EIPR1: variants seen among roughly 807,000 people sequenced by gnomAD.
EIPR1 encodes EARP complex and GARP complex interacting protein 1.
EIPR1 carries 25 observed loss-of-function variants against 48.1 expected under a neutral mutation model. The observed-to-expected ratio is 0.52, with a 90% CI of 0.38 to 0.73. The LOEUF is 0.73. EIPR1 is among the 30% of genes least tolerant of loss of function. The pLI, the probability that EIPR1 is intolerant of heterozygous loss-of-function variation, is 0.00. For missense variants in EIPR1, 415 were observed against 506.2 expected (o/e 0.82, Z 1.73); for synonymous variants, 204 against 201.9 (o/e 1.01, Z -0.09).
chr2:3,200,180 C>A (rs1309186909), intron 5 of EIPR1, among the ~76,000 whole-genome samples: 1 of 152,014 alleles, frequency 6.6e-6, no homozygotes, highest in East Asian at 1.9e-4. Context: ...GAGGAGTGGA[C>A]CTGTCCGCTC....
At chr2:3,196,318 GT>G (rs1378125285) in intron 6 of EIPR1, among the ~76,000 whole-genome samples, 1 of 152,314 alleles carries the variant, frequency 6.6e-6, no homozygotes, top group East Asian at 1.9e-4. Context: ...GTGGGCTTCC[GT>G]TGCCACAGCA....
chr2:3,375,397 A>G (rs76342504), intron 1 of EIPR1, among the ~76,000 whole-genome samples: 34 of 147,312 alleles, frequency 2.3e-4, no homozygotes, highest in Admixed American at 1.4e-3. Context: ...TTAAAAAAAA[A>G]AGAGAGAAAA....
chr2:3,307,895 A>G (rs768440632), intron 3 of EIPR1, among the ~76,000 whole-genome samples: 7 of 152,210 alleles, frequency 4.6e-5, no homozygotes, highest in Non-Finnish European at 7.3e-5. Flanking sequence ...ATCCCAAATG[A>G]TCCTATTTGA....
intron 2 of EIPR1, among the ~76,000 whole-genome samples, chr2:3,351,279 GCGTGAGCGA>G (rs1670571554): frequency 1.3e-5 from 2 of 152,162 alleles, no homozygotes; most frequent in South Asian, 4.1e-4. Flanking sequence ...GGGATTACAT[GCGTGAGCGA>G]CCACACCTGG....
At chr2:3,215,829 C>T (rs548025939) in intron 4 of EIPR1, among the ~76,000 whole-genome samples, 1 of 152,372 alleles carries the variant, frequency 6.6e-6, no homozygotes, top group Admixed American at 6.5e-5. Flanking sequence ...AAACCACAAT[C>T]TCTTTCTCAT....
At chr2:3,373,041 C>T (rs370209273) in intron 1 of EIPR1, among the ~76,000 whole-genome samples, 149 of 152,248 alleles carry the variant, frequency 9.8e-4, no homozygotes, top group South Asian at 3.9e-3. Context: ...CATGATCAAG[C>T]GGGCTTCATC....
At chr2:3,234,214 T>G (rs1281401471) in intron 4 of EIPR1, among the ~76,000 whole-genome samples, 2 of 152,130 alleles carry the variant, frequency 1.3e-5, no homozygotes, top group Admixed American at 6.5e-5. Flanking sequence ...TATTTTGCTG[T>G]TTTTTTTACC....
At position 3,306,292 on chromosome 2, in the gene EIPR1, C is replaced by G. The variant is rs935513769; in HGVS notation, c.259+31725G>C. On this transcript the variant is annotated intron_variant, in intron 3 of 8. Coordinates refer to ENST00000382125, the MANE Select transcript of EIPR1 (RefSeq NM_003310.5). ...TGGTTGGATTTGTTCTCTTTTCCCCCCTTCTGTTTCCCAGGTTAGTGTTTT... is the reference window on the plus strand; with the variant it reads ...TGGTTGGATTTGTTCTCTTTTCCCCGCTTCTGTTTCCCAGGTTAGTGTTTT... 4.6e-5 allele frequency among the ~76,000 whole-genome samples: 7 copies of G among 152,204 alleles called. No individual in the cohort carries two copies. The South Asian group carries it at 1.2e-3, about 27-fold the overall frequency.
chr2:3,346,926 T>G (rs1210729226), intron 2 of EIPR1, among the ~76,000 whole-genome samples: 3 of 152,196 alleles, frequency 2.0e-5, no homozygotes, highest in Admixed American at 6.5e-5. Context: ...TAATCCCCAG[T>G]GCTGGAGGCA....
chr2:3,336,198 A>G (rs1670036407), intron 3 of EIPR1, among the ~76,000 whole-genome samples: 1 of 152,188 alleles, frequency 6.6e-6, no homozygotes, highest in Non-Finnish European at 1.5e-5. Flanking sequence ...CAGAGAAGAG[A>G]TCGTCTCTAA....
At chr2:3,247,044 G>C (rs191657939) in intron 4 of EIPR1, among the ~76,000 whole-genome samples, 198 of 8,442 alleles carry the variant, frequency 0.023, no homozygotes, top group Non-Finnish European at 0.042. Context: ...AGGGAGAGAG[G>C]GAGGGAGAGA....
chr2:3,319,863 CGGGCAACACCACCCCTGT>C lies in EIPR1; in HGVS notation c.259+18136_259+18153del, dbSNP rs1245008378. ...GCACCTGTGGGCAACACCACCCCTGCGGGCAACACCACCCCTGTGGACAACACCGCACCTGTGGACAAC... is the reference window on the plus strand; with the variant it reads ...GCACCTGTGGGCAACACCACCCCTGCGGACAACACCGCACCTGTGGACAAC... On this transcript the variant is annotated intron_variant, in intron 3 of 8. Coordinates refer to ENST00000382125, the MANE Select transcript of EIPR1 (RefSeq NM_003310.5). The C allele has an allele frequency of 1.0e-3, 118 of 116,118 alleles. 13 individuals are homozygous for C. The highest frequency in any genetic ancestry group is 1.7e-3 in the South Asian group (9 of 5,308). The allele number at this position is 116,118 out of a possible 1,614,324, so 7.2% of individuals were successfully genotyped here. A position where few individuals can be genotyped will look rare whatever the true frequency, so the allele number is the denominator to read the frequency against.
At chr2:3,358,363 A>G (rs1270176207) in intron 1 of EIPR1, among the ~76,000 whole-genome samples, 1 of 152,190 alleles carries the variant, frequency 6.6e-6, no homozygotes, top group Non-Finnish European at 1.5e-5. Flanking sequence ...AACCAATATT[A>G]TCTATGTTCC....
At chr2:3,246,558 G>A (rs1666800002) in intron 4 of EIPR1, among the ~76,000 whole-genome samples, 1 of 152,082 alleles carries the variant, frequency 6.6e-6, no homozygotes, top group Admixed American at 6.5e-5. Flanking sequence ...CATCTACACT[G>A]AGGGGATTGT....
intron 5 of EIPR1, among the ~76,000 whole-genome samples, chr2:3,203,729 C>T (rs1016997959): frequency 2.6e-5 from 4 of 152,238 alleles, no homozygotes; most frequent in Admixed American, 6.5e-5. Flanking sequence ...CACCGCAGGG[C>T]GGGGTCCCTC....
intron 3 of EIPR1, among the ~76,000 whole-genome samples, chr2:3,257,809 C>A (rs562149246): frequency 6.6e-6 from 1 of 152,214 alleles, no homozygotes. Flanking sequence ...TCACCACGCA[C>A]GCAGCTGGTG....
intron 1 of EIPR1, among the ~76,000 whole-genome samples, chr2:3,366,743 T>G (rs993011806): frequency 5.3e-5 from 8 of 152,204 alleles, no homozygotes; most frequent in African/African-American, 1.9e-4. Flanking sequence ...AGGAAATTGT[T>G]TTGAATTTTT....
At chr2:3,244,458 G>A (rs1405514654) in intron 4 of EIPR1, among the ~76,000 whole-genome samples, 1 of 152,010 alleles carries the variant, frequency 6.6e-6, no homozygotes, top group African/African-American at 2.4e-5. Context: ...CTTGTTGGAA[G>A]CCCCCCACCC....
intron 2 of EIPR1, among the ~76,000 whole-genome samples, chr2:3,345,161 TG>T (rs1670361276): frequency 1.3e-5 from 2 of 152,032 alleles, no homozygotes; most frequent in Admixed American, 6.6e-5. Context: ...GGAACCTAAC[TG>T]GGTCACTGGA....
Sources: allele counts gnomAD v4.1 joint callset (sites outside exome capture counted in the v4.1 genomes callset), GRCh38; gene constraint gnomAD v4.1.1; transcripts MANE v1.5; gene names NCBI Gene and HGNC (gene_info 2026-07-23, HGNC 2026-07-21).